The following SFSWAP variants were observed in gnomAD, a reference collection of about 807,000 sequenced individuals.
The protein encoded by SFSWAP is splicing factor, suppressor of white-apricot homolog.
In SFSWAP, 17 loss-of-function variants were observed where a neutral mutation model predicts 100.7. That is an observed-to-expected ratio of 0.17 (90% CI 0.12 to 0.25). The LOEUF (loss-of-function observed/expected upper bound fraction) is 0.25. Among genes scored for constraint, SFSWAP ranks in the 10% least tolerant of loss-of-function variants. The pLI is 1.00. For missense variants in SFSWAP, 1,005 were observed against 1,262.6 expected (o/e 0.80, Z 3.09); for synonymous variants, 504 against 510.1 (o/e 0.99, Z 0.16).
intron 15 of SFSWAP, among the ~76,000 whole-genome samples, chr12:131,795,156 C>G (rs752689367): frequency 1.3e-5 from 2 of 152,254 alleles, no homozygotes; most frequent in Non-Finnish European, 2.9e-5. Flanking sequence ...CTGGGCACGT[C>G]AGGCAGGCTT....
intron 17 of SFSWAP, 152 bp downstream of exon 17, chr12:131,799,261 C>A: frequency 9.8e-7 from 1 of 1,022,902 alleles, no homozygotes; most frequent in Non-Finnish European, 1.5e-6. Context: ...AGGCCGAGGG[C>A]AAAGCCGTGT....
At chr12:131,739,374 A>G (rs1880373963) in intron 7 of SFSWAP, among the ~76,000 whole-genome samples, 1 of 152,150 alleles carries the variant, frequency 6.6e-6, no homozygotes, top group Non-Finnish European at 1.5e-5. Context: ...TTTTGTAACC[A>G]TTTAAAATGA....
intron 7 of SFSWAP, among the ~76,000 whole-genome samples, chr12:131,751,604 C>A (rs113574076): frequency 9.6e-4 from 146 of 152,396 alleles, no homozygotes; most frequent in African/African-American, 2.6e-3. Context: ...GCAGCTCCCC[C>A]CTTCCAGGGA....
Position 131,746,397 on chromosome 12 carries a change from A to G in SFSWAP, c.1082-6726A>G, listed in dbSNP as rs1026886336. ...TTTTGATGCCTCATTTGCTGCTGCT[A>G]GACCCAGGCGGAGCAAGCTTCTCTG... On this transcript the variant is annotated intron_variant, in intron 7 of 17. Coordinates refer to ENST00000261674, the MANE Select transcript of SFSWAP (RefSeq NM_004592.4). 7.2e-5 allele frequency among the ~76,000 whole-genome samples: 11 copies of G among 152,348 alleles called. No individual in the cohort carries two copies. The East Asian group carries it at 1.9e-3, about 27-fold the overall frequency.
chr12:131,711,590 C>T lies in SFSWAP; in HGVS notation c.218+143C>T, dbSNP rs1296372330. The stretch of plus-strand genomic sequence containing the variant: ...GACACCCCCTCCCCTGTCCCCACCT[C>T]CTCCTGGTGTTCTGGTGGGGAGGGG... On this transcript the variant is annotated intron_variant, in intron 1 of 17. Transcript: ENST00000261674. The surrounding 1 kb of genome is among the most constrained non-coding windows in gnomAD (Gnocchi z 4.9). 2 of 674,366 alleles carry T rather than the reference C, an allele frequency of 3.0e-6. No homozygotes were observed. The highest frequency in any genetic ancestry group is 2.7e-4 in the Middle Eastern group (1 of 3,710). The allele number at this position is 674,366 out of a possible 1,614,324, so 41.8% of individuals were successfully genotyped here. A position where few individuals can be genotyped will look rare whatever the true frequency, so the allele number is the denominator to read the frequency against.
chr12:131,786,580 C>A lies in SFSWAP; in HGVS notation c.2526C>A (p.Thr842=), dbSNP rs763581657. 2 of 1,589,842 alleles carry A rather than the reference C, an allele frequency of 1.3e-6. No individual in the cohort carries two copies. The highest frequency in any genetic ancestry group is 1.8e-5 in the Admixed American group (1 of 56,312). Residue 842 remains threonine, a synonymous_variant, in exon 15 of 18, where the codon ACC becomes ACA. Transcript: ENST00000261674. ...GCCCTGGGGCCAGTAGGAAGCGGAC[C>A]CGCTCCAGGTAGGCCACTGGGTGTG... ...SRSPGASRKR[T]RSRSPHEKKK...
At chr12:131,765,486 T>C (rs1883036922) in intron 12 of SFSWAP, among the ~76,000 whole-genome samples, 1 of 151,934 alleles carries the variant, frequency 6.6e-6, no homozygotes, top group Non-Finnish European at 1.5e-5. Flanking sequence ...CCATCTCTAC[T>C]GAAAAAACAA....
At chr12:131,782,140 G>A in intron 14 of SFSWAP, among the ~76,000 whole-genome samples, 1 of 152,222 alleles carries the variant, frequency 6.6e-6, no homozygotes, top group East Asian at 1.9e-4. Context: ...TATTCTCTAT[G>A]ACAAAAGAAC....
intron 5 of SFSWAP, 33 bp from the exon 6 acceptor site, chr12:131,726,907 C>G: frequency 2.3e-6 from 3 of 1,329,928 alleles, no homozygotes; most frequent in Non-Finnish European, 3.2e-6. Context: ...TCTCACCAAA[C>G]ACCAAAATCT....
intron 7 of SFSWAP, among the ~76,000 whole-genome samples, chr12:131,732,208 CGT>C (rs1384816550): frequency 4.6e-5 from 7 of 152,120 alleles, no homozygotes; most frequent in African/African-American, 1.7e-4. Context: ...CGCACCCAGC[CGT>C]GTTGCTATTA....
intron 7 of SFSWAP, among the ~76,000 whole-genome samples, chr12:131,743,563 T>G (rs1880853214): frequency 1.1e-4 from 16 of 152,258 alleles, no homozygotes; most frequent in Admixed American, 1.0e-3. Flanking sequence ...GCTCCGCGCC[T>G]GTGGCTCTGC....
chr12:131,714,839 TTGAG>T lies in SFSWAP; in HGVS notation c.410_413del (p.Ser137LysfsTer3). ...TATTCAAGAGGAAGAATACAAGCGATTGAGTGAAGCACTAGCAGAGGATGGGAGC... is the reference window on the plus strand; with the variant it reads ...TATTCAAGAGGAAGAATACAAGCGATTGAAGCACTAGCAGAGGATGGGAGC... On this transcript the variant is annotated frameshift_variant, in exon 3 of 18. Coordinates refer to ENST00000261674, the MANE Select transcript of SFSWAP (RefSeq NM_004592.4). LOFTEE classifies it high-confidence loss of function. The surrounding 1 kb of genome is among the most constrained non-coding windows in gnomAD (Gnocchi z 6.0). 1 of 1,614,066 alleles carries T rather than the reference TTGAG, an allele frequency of 6.2e-7. No homozygotes were observed.
At chr12:131,772,175 C>T (rs779719293) in intron 13 of SFSWAP, among the ~76,000 whole-genome samples, 3 of 152,200 alleles carry the variant, frequency 2.0e-5, no homozygotes, top group African/African-American at 7.2e-5. Context: ...ACGTCACTAT[C>T]GATGCAACGC....
rs116549530 is a variant in SFSWAP at position 131,741,720 on chromosome 12, G to A, written c.1082-11403G>A. Among the ~76,000 whole-genome samples, 772 of 151,616 alleles carry A rather than the reference G, an allele frequency of 5.1e-3. 8 individuals carry two copies. The highest frequency in any genetic ancestry group is 0.018 in the African/African-American group (736 of 41,342). ...ACAGGGAGAGCGCCTGCTGGACCCT[G>A]CCTCACAGCCTCCCCCTCTGTTGCA... On this transcript the variant is annotated intron_variant, in intron 7 of 17. Transcript: ENST00000261674.
rs747582183 is a variant in SFSWAP, at chr12:131,711,327, T to G, written c.98T>G (p.Val33Gly). 1.9e-6 allele frequency: 3 copies of G among 1,613,644 alleles called. No homozygotes were observed. The highest frequency in any genetic ancestry group is 2.7e-5 in the African/African-American group (2 of 74,896). Reference sequence around the variant, plus strand: ...GGTGCCGGCGGTGGGGGCAGCCGAGTGGAGCTCTTGGTTTTCGGCTATGCC... The same window carrying G: ...GGTGCCGGCGGTGGGGGCAGCCGAGGGGAGCTCTTGGTTTTCGGCTATGCC... ...PGGAGGGGSR[V>G]ELLVFGYACK... Residue 33 changes from valine to glycine, a missense_variant, in exon 1 of 18, where the codon GTG becomes GGG. Physicochemically the swap from Val to Gly is moderately radical, Grantham distance 109. This residue lies in a region of SFSWAP where 237 missense variants were observed against 337.0 expected (regional missense o/e 0.70). Coordinates refer to ENST00000261674, the MANE Select transcript of SFSWAP (RefSeq NM_004592.4). The surrounding 1 kb of genome is among the most constrained non-coding windows in gnomAD (Gnocchi z 4.9).
At chr12:131,769,713 G>A (rs939773899) in intron 13 of SFSWAP, among the ~76,000 whole-genome samples, 2 of 152,124 alleles carry the variant, frequency 1.3e-5, no homozygotes, top group East Asian at 1.9e-4. Flanking sequence ...TGCAACCTCC[G>A]CCTCCCGGGT....
Position 131,778,179 on chromosome 12 carries a change from G to A in SFSWAP, c.2257G>A (p.Glu753Lys). 1 of 1,613,924 alleles carries A rather than the reference G, an allele frequency of 6.2e-7. No homozygotes were observed. Among genetic ancestry groups the A allele is most frequent in the Non-Finnish European group, 8.5e-7 (1 of 1,179,960 alleles). ...AAGCAAAGATCCACCGAGAGAAGAA[G>A]AGAAAGAAAAGAAAAAGAAAAAGCA... is the stretch of plus-strand genomic sequence containing the variant. ...SKSKDPPREEEKEKKKKKHKK... is the reference protein window; with the variant it reads ...SKSKDPPREEKKEKKKKKHKK... The change falls in exon 14 of 18, where the codon GAG becomes AAG. Residue 753 changes from glutamate to lysine, a missense_variant. By Grantham distance (56) the Glu-to-Lys change is moderately conservative. Transcript: ENST00000261674. This position sits in a 1 kb window ranked among gnomAD's most constrained non-coding sequence, Gnocchi z 4.2.
intron 14 of SFSWAP, among the ~76,000 whole-genome samples, chr12:131,780,883 C>G (rs913016304): frequency 6.6e-6 from 1 of 152,124 alleles, no homozygotes; most frequent in Non-Finnish European, 1.5e-5. Context: ...CATGGTGTTT[C>G]TTTAGCGTAA....
rs1877758608 is a variant in SFSWAP, at chr12:131,715,012, A to G, written c.520+59A>G. 3.8e-6 allele frequency: 6 copies of G among 1,589,526 alleles called. No individual in the cohort carries two copies. The South Asian group carries it at 5.5e-5, about 15-fold the overall frequency. On this transcript the variant is annotated intron_variant, in intron 3 of 17. Transcript: ENST00000261674. ...GGCTACACGTGTACGCACAGGCTGCATGCACCGTGGTCCAGTCTGCAGAAC... is the reference window on the plus strand; with the variant it reads ...GGCTACACGTGTACGCACAGGCTGCGTGCACCGTGGTCCAGTCTGCAGAAC...
Sources: allele counts gnomAD v4.1 joint callset (sites outside exome capture counted in the v4.1 genomes callset), GRCh38; gene constraint gnomAD v4.1.1; regional missense constraint gnomAD v4.1.1; non-coding constraint Gnocchi (gnomAD v3.1); transcripts MANE v1.5; gene names NCBI Gene and HGNC (gene_info 2026-07-23, HGNC 2026-07-21).